Variants in CEP83 observed in about 807,000 individuals in gnomAD.
The protein encoded by CEP83 is centrosomal protein of 83 kDa.
A neutral mutation model predicts 101.9 loss-of-function variants in CEP83; 70 were observed. That is an observed-to-expected ratio of 0.69 (90% CI 0.57 to 0.84). The LOEUF (loss-of-function observed/expected upper bound fraction) is 0.84. CEP83 is among the 40% of genes least tolerant of loss of function. The probability of loss-of-function intolerance (pLI) is 0.00; values close to 1 mark genes in which losing one functional copy is unlikely to be tolerated. For missense variants in CEP83, 715 were observed against 787.2 expected (o/e 0.91, Z 1.10); for synonymous variants, 264 against 267.9 (o/e 0.99, Z 0.14).
chr12:94,335,076 G>A, intron 12 of CEP83, among the ~76,000 whole-genome samples: 1 of 151,922 alleles, frequency 6.6e-6, no homozygotes, highest in Non-Finnish European at 1.5e-5. Context: ...AAAGAAAATA[G>A]AATTCAGAAA....
the CEP83 span, among the ~76,000 whole-genome samples, chr12:94,290,941 C>T: frequency 1.3e-5 from 2 of 152,102 alleles, no homozygotes; most frequent in Non-Finnish European, 2.9e-5. Flanking sequence ...TCTTGCCACC[C>T]GTTTGTCTTG....
chr12:94,379,906 T>G (rs1045781521), intron 6 of CEP83, among the ~76,000 whole-genome samples: 19 of 151,934 alleles, frequency 1.3e-4, no homozygotes, highest in Admixed American at 1.2e-3. Context: ...GCTTCTATTT[T>G]TAGTCTCTTT....
chr12:94,360,003 C>T lies in CEP83; in HGVS notation c.1343+7791G>A, dbSNP rs532986597. 1.0e-3 allele frequency among the ~76,000 whole-genome samples: 155 copies of T among 152,182 alleles called. No homozygotes were observed. In the South Asian group the frequency reaches 0.03, roughly 30 times the overall value. On this transcript the variant is annotated intron_variant, in intron 11 of 16. Coordinates refer to ENST00000397809, the MANE Select transcript of CEP83 (RefSeq NM_016122.3). ...ATGCAAATCAATAAATGTGATACAT[C>T]GTATCAACTGAATGAAGAAAAAACG...
chr12:94,302,775 T>C (rs1968595595), downstream of CEP83, among the ~76,000 whole-genome samples: 1 of 152,216 alleles, frequency 6.6e-6, no homozygotes, highest in African/African-American at 2.4e-5. Context: ...ATTTGTATCA[T>C]AGTAAGCACT....
intron 11 of CEP83, among the ~76,000 whole-genome samples, chr12:94,343,806 TA>T: frequency 6.6e-6 from 1 of 152,292 alleles, no homozygotes; most frequent in South Asian, 2.1e-4. Context: ...ATTAACTTTT[TA>T]AAAAGGTTCT....
chr12:94,436,833 A>C (rs1199651283), intron 1 of CEP83, among the ~76,000 whole-genome samples: 1 of 151,784 alleles, frequency 6.6e-6, no homozygotes, highest in East Asian at 1.9e-4. Flanking sequence ...TCTCAAAAAA[A>C]AAAAAAAGAA....
chr12:94,322,365 AC>A (rs1267485149), intron 14 of CEP83, among the ~76,000 whole-genome samples: 2 of 151,940 alleles, frequency 1.3e-5, no homozygotes, highest in Non-Finnish European at 2.9e-5. Flanking sequence ...GTGGCTGGAA[AC>A]CCTGGTCAAA....
At chr12:94,279,452 AC>A in the CEP83 span, 28 of 1,593,690 alleles carry the variant, frequency 1.8e-5, no homozygotes, top group Admixed American at 4.4e-4. Context: ...AGACTTGGAA[AC>A]CTGTTTGTAC....
At position 94,332,810 on chromosome 12, in the gene CEP83, T is replaced by C. The variant is rs112192730; in HGVS notation, c.1577+672A>G. Among the ~76,000 whole-genome samples, 995 of 152,204 alleles carry C rather than the reference T, an allele frequency of 6.5e-3. 16 individuals are homozygous for C. The highest frequency in any genetic ancestry group is 0.023 in the African/African-American group (948 of 41,564). On this transcript the variant is annotated intron_variant, in intron 13 of 16. Transcript: ENST00000397809. ...AAAACTGAAGAAATACAGTTTTATG[T>C]GGCATGGTGGCCTTCAGAAGAAGAA...
intron 11 of CEP83, among the ~76,000 whole-genome samples, chr12:94,346,519 T>C (rs1360260162): frequency 6.6e-6 from 1 of 151,770 alleles, no homozygotes; most frequent in African/African-American, 2.4e-5. Flanking sequence ...TGAACCACTC[T>C]AGTAAATTTA....
intron 1 of CEP83, among the ~76,000 whole-genome samples, chr12:94,439,088 G>C (rs149488807): frequency 6.6e-6 from 1 of 152,164 alleles, no homozygotes; most frequent in African/African-American, 2.4e-5. Flanking sequence ...AGCACAAATA[G>C]ATTATCTAAC....
the CEP83 span, among the ~76,000 whole-genome samples, chr12:94,269,566 A>T: frequency 6.6e-6 from 1 of 152,186 alleles, no homozygotes; most frequent in Non-Finnish European, 1.5e-5. Flanking sequence ...TTGTCCTTGC[A>T]GAAGATCCAT....
chr12:94,446,448 G>A (rs137893092), intron 1 of CEP83, among the ~76,000 whole-genome samples: 10 of 152,308 alleles, frequency 6.6e-5, no homozygotes, highest in African/African-American at 2.4e-4. Context: ...GGTGGCTCAT[G>A]CCTGTAATCC....
At chr12:94,376,115 T>A in intron 7 of CEP83, 98 bp from the exon 8 acceptor site, 1 of 751,610 alleles carries the variant, frequency 1.3e-6, no homozygotes, top group Non-Finnish European at 1.9e-6. Flanking sequence ...ATACTAAAAT[T>A]ATTCAAAACC....
At chr12:94,419,469 G>C (rs1163774223) in intron 2 of CEP83, among the ~76,000 whole-genome samples, 1 of 152,042 alleles carries the variant, frequency 6.6e-6, no homozygotes. Context: ...ATCCAAATGA[G>C]TGTGTCTCTA....
chr12:94,451,117 C>T (rs191090408), intron 1 of CEP83, among the ~76,000 whole-genome samples: 7 of 152,270 alleles, frequency 4.6e-5, no homozygotes, highest in African/African-American at 1.7e-4. Flanking sequence ...TTGGCATTCA[C>T]ATTTTTAAAA....
At chr12:94,298,018 G>A in the CEP83 span, among the ~76,000 whole-genome samples, 3 of 151,800 alleles carry the variant, frequency 2.0e-5, no homozygotes, top group Non-Finnish European at 4.4e-5. Flanking sequence ...TAAATGCTAT[G>A]ATCTACACTT....
At chr12:94,362,207 G>A (rs564749297) in intron 11 of CEP83, among the ~76,000 whole-genome samples, 1 of 152,236 alleles carries the variant, frequency 6.6e-6, no homozygotes, top group Non-Finnish European at 1.5e-5. Flanking sequence ...TAGAATGCCT[G>A]TCAAAAAGAC....
rs199871798 is a variant in CEP83 at position 94,412,415 on chromosome 12, C to T, written c.76G>A (p.Gly26Ser). The T allele has an allele frequency of 7.5e-4, 1,203 of 1,612,634 alleles. 1 individual carries two copies. Among genetic ancestry groups the T allele is most frequent in the Non-Finnish European group, 9.5e-4 (1,115 of 1,179,174 alleles). Reference protein sequence around the residue: ...FPPGGDSGLTGSQSEFQKMLI... With the variant: ...FPPGGDSGLTSSQSEFQKMLI... ...ATTTTCTGGAACTCCGACTGAGAACCTGTCAATCCACTGTCTCCACCAGGA... is the reference window on the plus strand; with the variant it reads ...ATTTTCTGGAACTCCGACTGAGAACTTGTCAATCCACTGTCTCCACCAGGA... The change falls in exon 3 of 17, where the codon GGT becomes AGT. Residue 26 changes from glycine (G) to serine (S), a missense_variant. By Grantham distance (56) the Gly-to-Ser change is moderately conservative. Transcript: ENST00000397809.
Sources: gnomAD v4.1 joint callset for allele counts (sites outside exome capture counted in the v4.1 genomes callset) on GRCh38, gnomAD v4.1.1 for gene constraint, MANE v1.5 for transcripts, NCBI Gene and HGNC (gene_info 2026-07-23, HGNC 2026-07-21) for gene names.